The following DAB1 variants were observed in gnomAD, a reference collection of about 807,000 sequenced individuals.
DAB1 encodes the protein DAB adaptor protein 1.
In DAB1, 15 loss-of-function variants were observed where a neutral mutation model predicts 64.6. The observed-to-expected ratio is 0.23, with a 90% CI of 0.16 to 0.36. The LOEUF (loss-of-function observed/expected upper bound fraction) is 0.36, where lower values mean the gene tolerates loss of function less well. DAB1 is among the 10% of genes least tolerant of loss of function. The pLI is 1.00. For missense variants in DAB1, 596 were observed against 706.7 expected (o/e 0.84, Z 1.78); for synonymous variants, 235 against 251.9 (o/e 0.93, Z 0.64).
intron 6 of DAB1, among the ~76,000 whole-genome samples, chr1:57,807,762 T>A (rs1651433567): frequency 1.3e-5 from 2 of 152,092 alleles, no homozygotes; most frequent in African/African-American, 4.8e-5. Flanking sequence ...CTCTTCTTCC[T>A]CAAACACCCC....
At chr1:57,114,225 C>T (rs773158106) in intron 4 of DAB1, among the ~76,000 whole-genome samples, 14 of 151,206 alleles carry the variant, frequency 9.3e-5, no homozygotes, top group South Asian at 2.1e-4. Context: ...TACAGATATA[C>T]GAGAAAATGG....
chr1:57,501,381 C>G (rs190901803), intron 7 of DAB1, among the ~76,000 whole-genome samples: 200 of 152,298 alleles, frequency 1.3e-3, no homozygotes, highest in Middle Eastern at 0.01. Context: ...GAGCCTCCAG[C>G]TGAAAGCACC....
At chr1:57,374,036 G>A (rs943682685) in intron 1 of DAB1, among the ~76,000 whole-genome samples, 1 of 152,110 alleles carries the variant, frequency 6.6e-6, no homozygotes, top group Non-Finnish European at 1.5e-5. Context: ...CCTTTCTATG[G>A]TAAATCCATG....
chr1:58,103,127 C>T (rs1222509329), intron 5 of DAB1, among the ~76,000 whole-genome samples: 1 of 152,116 alleles, frequency 6.6e-6, no homozygotes. Context: ...CTGCGGCACC[C>T]GATACGTGGT....
intron 1 of DAB1, among the ~76,000 whole-genome samples, chr1:57,847,290 A>C (rs1653332279): frequency 6.6e-6 from 1 of 152,130 alleles, no homozygotes; most frequent in Admixed American, 6.5e-5. Flanking sequence ...AAAAAAAAAA[A>C]CTACAAAGAT....
intron 1 of DAB1, among the ~76,000 whole-genome samples, chr1:57,361,793 G>A (rs990482775): frequency 1.3e-5 from 2 of 152,216 alleles, no homozygotes; most frequent in East Asian, 1.9e-4. Flanking sequence ...CATCCGACCT[G>A]CAGAATTATT....
At chr1:58,143,504 G>A (rs139033608) in intron 5 of DAB1, among the ~76,000 whole-genome samples, 38 of 152,236 alleles carry the variant, frequency 2.5e-4, no homozygotes, top group African/African-American at 8.9e-4. Context: ...TATTAAGAAC[G>A]GTGTGGTTGG....
chr1:57,458,984 CAA>C (rs2101173336), intron 7 of DAB1, among the ~76,000 whole-genome samples: 1 of 151,934 alleles, frequency 6.6e-6, no homozygotes, highest in African/African-American at 2.4e-5. Context: ...CTTTTATAAT[CAA>C]AAGAGAAACA....
intron 5 of DAB1, among the ~76,000 whole-genome samples, chr1:58,112,784 C>A (rs1394263843): frequency 6.6e-6 from 1 of 152,134 alleles, no homozygotes. Context: ...TTATGAAGCA[C>A]CACATACATG....
chr1:58,222,590 T>C (rs1659234034), intron 4 of DAB1, among the ~76,000 whole-genome samples: 1 of 152,220 alleles, frequency 6.6e-6, no homozygotes, highest in South Asian at 2.1e-4. Context: ...TCCTAACCTT[T>C]TCCCCATCTG....
At chr1:57,899,311 G>T (rs1245563447) in intron 5 of DAB1, among the ~76,000 whole-genome samples, 1 of 152,104 alleles carries the variant, frequency 6.6e-6, no homozygotes, top group Admixed American at 6.5e-5. Context: ...AACCAACAGG[G>T]ATGGGAATTG....
chr1:57,923,879 C>A (rs1038397678), intron 5 of DAB1, among the ~76,000 whole-genome samples: 5 of 152,194 alleles, frequency 3.3e-5, no homozygotes, highest in Non-Finnish European at 7.3e-5. Flanking sequence ...ATAATTTTCA[C>A]TTCCAAATTT....
chr1:57,012,268 G>A (rs1570492563), intron 12 of DAB1, among the ~76,000 whole-genome samples: 2 of 152,310 alleles, frequency 1.3e-5, no homozygotes, highest in African/African-American at 4.8e-5. Context: ...ATAGAAAGAT[G>A]ATGCTATTTC....
At chr1:57,796,868 G>C (rs939570428) in intron 6 of DAB1, among the ~76,000 whole-genome samples, 1 of 152,126 alleles carries the variant, frequency 6.6e-6, no homozygotes, top group East Asian at 1.9e-4. Flanking sequence ...CCACATCTGC[G>C]TCATATCCTG....
chr1:57,745,109 T>C (rs1177668949), intron 6 of DAB1, among the ~76,000 whole-genome samples: 6 of 152,182 alleles, frequency 3.9e-5, no homozygotes, highest in Non-Finnish European at 8.8e-5. Context: ...GTCAATATAA[T>C]TATTTATAGA....
chr1:58,300,598 AAGAAAGAAAGAAAGAG>A (rs1219019445), intron 4 of DAB1, among the ~76,000 whole-genome samples: 67 of 37,606 alleles, frequency 1.8e-3, no homozygotes, highest in Admixed American at 2.5e-3. Flanking sequence ...GAAAGAAAGA[AAGAAAGAAAGAAAGAG>A]AGAGAGAGAG....
At chr1:57,912,289 C>A (rs962045318) in intron 5 of DAB1, among the ~76,000 whole-genome samples, 2 of 152,138 alleles carry the variant, frequency 1.3e-5, no homozygotes, top group Non-Finnish European at 2.9e-5. Context: ...CTGTCTTTAT[C>A]TCCATTAAGC....
At chr1:58,420,624 T>C (rs747782018) in intron 3 of DAB1, among the ~76,000 whole-genome samples, 17 of 152,326 alleles carry the variant, frequency 1.1e-4, no homozygotes, top group Non-Finnish European at 2.2e-4. Context: ...TATAACCTAT[T>C]GTCAGACAAA....
At chr1:57,137,337 G>T (rs1313015564) in intron 3 of DAB1, among the ~76,000 whole-genome samples, 1 of 152,166 alleles carries the variant, frequency 6.6e-6, no homozygotes, top group Non-Finnish European at 1.5e-5. Flanking sequence ...CAAAAGGTTG[G>T]GGTGTTACTT....
Sources: allele counts gnomAD v4.1 joint callset (sites outside exome capture counted in the v4.1 genomes callset), GRCh38; gene constraint gnomAD v4.1.1; transcripts MANE v1.5; gene names NCBI Gene and HGNC (gene_info 2026-07-23, HGNC 2026-07-21).